Variants in PPP1R14C observed in about 807,000 individuals in gnomAD.
PPP1R14C encodes the protein protein phosphatase 1 regulatory inhibitor subunit 14C.
Under a neutral mutation model 20.4 loss-of-function variants are expected in PPP1R14C, and 16 were observed. The ratio of observed to expected loss-of-function variants is 0.78; its 90% CI spans 0.53 to 1.19. The LOEUF (loss-of-function observed/expected upper bound fraction) is 1.19, where lower values mean the gene tolerates loss of function less well. Among genes scored for constraint, PPP1R14C ranks in the 50% most tolerant of loss-of-function variants. The probability of loss-of-function intolerance (pLI) is 0.00; values close to 1 mark genes in which losing one functional copy is unlikely to be tolerated. For synonymous variants in PPP1R14C, 91 were observed against 91.0 expected, an observed-to-expected ratio of 1.00 and a Z score of 0.00; for missense variants, 211 against 220.1, an observed-to-expected ratio of 0.96 and a Z score of 0.26.
At chr6:150,148,761 A>G (rs890617101) in intron 1 of PPP1R14C, among the ~76,000 whole-genome samples, 5 of 152,200 alleles carry the variant, frequency 3.3e-5, no homozygotes, top group Non-Finnish European at 5.9e-5. Flanking sequence ...GTCAACTACT[A>G]AGGAATAAAT....
intron 3 of PPP1R14C, among the ~76,000 whole-genome samples, chr6:150,234,444 T>A (rs1778329948): frequency 6.6e-6 from 1 of 152,178 alleles, no homozygotes; most frequent in South Asian, 2.1e-4. Flanking sequence ...CTTGTGCAAT[T>A]TATTCGTAAC....
chr6:150,191,630 T>C (rs1039572364), intron 1 of PPP1R14C, among the ~76,000 whole-genome samples: 2 of 152,234 alleles, frequency 1.3e-5, no homozygotes, highest in Admixed American at 6.5e-5. Flanking sequence ...TTGTGGAAGA[T>C]TGGGGAAATA....
At chr6:150,184,352 A>G (rs148739131) in intron 1 of PPP1R14C, among the ~76,000 whole-genome samples, 1 of 152,282 alleles carries the variant, frequency 6.6e-6, no homozygotes, top group Non-Finnish European at 1.5e-5. Flanking sequence ...ACCTCCTGGT[A>G]GATAGTATCT....
intron 1 of PPP1R14C, among the ~76,000 whole-genome samples, chr6:150,170,311 T>C (rs1777482116): frequency 6.6e-6 from 1 of 151,380 alleles, no homozygotes; most frequent in South Asian, 2.1e-4. Flanking sequence ...TGTCATGTGC[T>C]AGTTACTTTT....
chr6:150,143,457 G>A lies in PPP1R14C; in HGVS notation c.265G>A (p.Glu89Lys). Residue 89 changes from glutamate (E) to lysine (K), a missense_variant, in exon 1 of 4, where the codon GAA (glutamate) becomes AAA (lysine). Physicochemically the swap from Glu to Lys is moderately conservative, Grantham distance 56. Coordinates refer to ENST00000361131, the MANE Select transcript of PPP1R14C (RefSeq NM_030949.3). The surrounding 1 kb of genome is among the most constrained non-coding windows in gnomAD (Gnocchi z 5.6). ...GCTTCGGAAGCGGCTGGTGCTGGAG[G>A]AATGGATCGTGGAGCAGCTGGGTCA... is the stretch of plus-strand genomic sequence containing the variant. ...KELRKRLVLEEWIVEQLGQLY... is the reference protein window; with the variant it reads ...KELRKRLVLEKWIVEQLGQLY... 6.4e-7 allele frequency: 1 copy of A among 1,567,916 alleles called. No individual in the cohort carries two copies. Among genetic ancestry groups the A allele is most frequent in the Non-Finnish European group, 8.7e-7 (1 of 1,152,962 alleles).
intron 1 of PPP1R14C, among the ~76,000 whole-genome samples, chr6:150,205,516 T>C (rs1478561265): frequency 6.6e-6 from 1 of 151,978 alleles, no homozygotes; most frequent in African/African-American, 2.4e-5. Context: ...CAGATAAGAG[T>C]TCGTTTGTAA....
chr6:150,195,025 C>CTAGTAACTAG, intron 1 of PPP1R14C: 1 of 984,590 alleles, frequency 1.0e-6, no homozygotes, highest in East Asian at 1.1e-4. Context: ...ATACCTAGAG[C>CTAGTAACTAG]AGTTACTAGT....
intron 1 of PPP1R14C, among the ~76,000 whole-genome samples, chr6:150,152,415 C>T (rs969986896): frequency 2.0e-5 from 3 of 152,156 alleles, no homozygotes; most frequent in Non-Finnish European, 4.4e-5. Flanking sequence ...TTGTTCCGCA[C>T]AGCCTTCAGG....
At chr6:150,231,314 C>T (rs1206650666) in intron 3 of PPP1R14C, among the ~76,000 whole-genome samples, 8 of 152,230 alleles carry the variant, frequency 5.3e-5, no homozygotes, top group Non-Finnish European at 2.9e-5. Flanking sequence ...TCTTCGATGT[C>T]TCCTCTGTAT....
At chr6:150,160,349 C>T (rs1052585025) in intron 1 of PPP1R14C, among the ~76,000 whole-genome samples, 1 of 148,936 alleles carries the variant, frequency 6.7e-6, no homozygotes. Flanking sequence ...ACTGCAAGCT[C>T]CACCTCCTGG....
chr6:150,241,206 T>C (rs545858556), intron 3 of PPP1R14C, among the ~76,000 whole-genome samples: 1 of 152,218 alleles, frequency 6.6e-6, no homozygotes, highest in Non-Finnish European at 1.5e-5. Flanking sequence ...TAAAAATCCC[T>C]GAAGAACTGT....
At chr6:150,187,247 C>CTGTGTG (rs61153538) in intron 1 of PPP1R14C, among the ~76,000 whole-genome samples, 6,991 of 141,454 alleles carry the variant, frequency 0.049, 178 homozygotes, top group East Asian at 0.062. Flanking sequence ...TTCTCTTTCT[C>CTGTGTG]TGTGTGTGTG....
intron 1 of PPP1R14C, among the ~76,000 whole-genome samples, chr6:150,186,204 G>A (rs1777675479): frequency 6.6e-6 from 1 of 152,118 alleles, no homozygotes; most frequent in Non-Finnish European, 1.5e-5. Flanking sequence ...ATTTAATCAG[G>A]GAGAAAAGAC....
chr6:150,225,195 C>T (rs73009887), intron 3 of PPP1R14C, among the ~76,000 whole-genome samples: 8,979 of 152,102 alleles, frequency 0.059, 347 homozygotes, highest in African/African-American at 0.088. Flanking sequence ...CAGAATGCTC[C>T]GGTGTATTTC....
intron 1 of PPP1R14C, among the ~76,000 whole-genome samples, chr6:150,205,358 C>A (rs1445566076): frequency 6.6e-6 from 1 of 152,114 alleles, no homozygotes; most frequent in Non-Finnish European, 1.5e-5. Flanking sequence ...GCTCACACAC[C>A]CATCACACTG....
chr6:150,220,338 G>A (rs62441161), intron 3 of PPP1R14C, among the ~76,000 whole-genome samples: 6 of 152,284 alleles, frequency 3.9e-5, no homozygotes, highest in Non-Finnish European at 5.9e-5. Flanking sequence ...GAGGGTTGAC[G>A]GTCTGACTTT....
At chr6:150,212,139 G>A (rs1175528746) in intron 1 of PPP1R14C, among the ~76,000 whole-genome samples, 3 of 152,222 alleles carry the variant, frequency 2.0e-5, no homozygotes, top group Admixed American at 6.5e-5. Flanking sequence ...GAGGGCGAGT[G>A]TACTCTGGGG....
At chr6:150,231,130 G>A (rs1292016233) in intron 3 of PPP1R14C, among the ~76,000 whole-genome samples, 1 of 152,212 alleles carries the variant, frequency 6.6e-6, no homozygotes, top group Non-Finnish European at 1.5e-5. Context: ...CTGTGACAGA[G>A]CCATGTGGTA....
chr6:150,232,377 A>G (rs1778305840), intron 3 of PPP1R14C, among the ~76,000 whole-genome samples: 1 of 152,068 alleles, frequency 6.6e-6, no homozygotes, highest in South Asian at 2.1e-4. Flanking sequence ...TGTGGAGCTT[A>G]TTTTCACTTG....
Sources: allele counts gnomAD v4.1 joint callset (sites outside exome capture counted in the v4.1 genomes callset), GRCh38; gene constraint gnomAD v4.1.1; non-coding constraint Gnocchi (gnomAD v3.1); transcripts MANE v1.5; gene names NCBI Gene and HGNC (gene_info 2026-07-23, HGNC 2026-07-21).